The following ARHGAP42 variants were observed in gnomAD, a reference collection of about 807,000 sequenced individuals.
ARHGAP42 encodes the protein Rho GTPase activating protein 42.
ARHGAP42 carries 63 observed loss-of-function variants against 125.0 expected under a neutral mutation model. The ratio of observed to expected loss-of-function variants is 0.50; its 90% CI spans 0.41 to 0.62. The LOEUF (loss-of-function observed/expected upper bound fraction) is 0.62, where lower values mean the gene tolerates loss of function less well. Ranked by LOEUF, ARHGAP42 falls within the 20% of genes least tolerant of loss-of-function variation. The pLI is 0.00. For synonymous variants in ARHGAP42, 339 were observed against 351.0 expected, an observed-to-expected ratio of 0.97 and a Z score of 0.38; for missense variants, 766 against 1,024.2, an observed-to-expected ratio of 0.75 and a Z score of 3.44.
chr11:100,919,789 C>G (rs374148383), intron 5 of ARHGAP42, among the ~76,000 whole-genome samples: 2 of 152,142 alleles, frequency 1.3e-5, no homozygotes, highest in East Asian at 3.9e-4. Flanking sequence ...TCTTGCAGCC[C>G]TTTCACCCAG....
intron 3 of ARHGAP42, among the ~76,000 whole-genome samples, chr11:100,802,641 G>GGCT (rs1565220576): frequency 2.6e-5 from 4 of 151,454 alleles, no homozygotes; most frequent in African/African-American, 7.3e-5. Flanking sequence ...CCCTGTTGGC[G>GGCT]AGTCTCAAAC....
At chr11:100,940,323 T>G (rs1265762928) in intron 8 of ARHGAP42, among the ~76,000 whole-genome samples, 1 of 152,174 alleles carries the variant, frequency 6.6e-6, no homozygotes, top group African/African-American at 2.4e-5. Flanking sequence ...ATGTGCATAG[T>G]AGCTGCTAGA....
chr11:100,830,082 AAAATCT>A (rs1864630310), intron 3 of ARHGAP42, among the ~76,000 whole-genome samples: 1 of 152,242 alleles, frequency 6.6e-6, no homozygotes, highest in African/African-American at 2.4e-5. Context: ...CTCAGAAGTT[AAAATCT>A]TCTTCCATGG....
At chr11:100,985,852 G>A (rs549923297) in intron 22 of ARHGAP42, among the ~76,000 whole-genome samples, 47 of 152,330 alleles carry the variant, frequency 3.1e-4, no homozygotes, top group Middle Eastern at 3.4e-3. Context: ...TTCTGGAAGT[G>A]TAGGGTTAAG....
intron 1 of ARHGAP42, among the ~76,000 whole-genome samples, chr11:100,747,920 A>G (rs1437152313): frequency 6.6e-6 from 1 of 152,020 alleles, no homozygotes; most frequent in African/African-American, 2.4e-5. Flanking sequence ...ACAACCATTT[A>G]ATTTATTTTA....
At chr11:100,955,904 CT>C in intron 12 of ARHGAP42, among the ~76,000 whole-genome samples, 1 of 152,250 alleles carries the variant, frequency 6.6e-6, no homozygotes, top group East Asian at 1.9e-4. Context: ...CCCTACTTGG[CT>C]TTGGAAAACT....
At chr11:100,886,395 A>G (rs561850412) in intron 4 of ARHGAP42, among the ~76,000 whole-genome samples, 9 of 152,308 alleles carry the variant, frequency 5.9e-5, no homozygotes, top group Middle Eastern at 3.4e-3. Context: ...ACATTTCTTT[A>G]TAGAGTTGGA....
intron 4 of ARHGAP42, among the ~76,000 whole-genome samples, chr11:100,905,956 G>A (rs890148313): frequency 2.4e-4 from 37 of 152,178 alleles, no homozygotes; most frequent in African/African-American, 7.5e-4. Flanking sequence ...TGGCCAGGGC[G>A]ATAGTCTTAA....
intron 4 of ARHGAP42, among the ~76,000 whole-genome samples, chr11:100,883,875 T>C (rs1026290358): frequency 6.6e-6 from 1 of 152,164 alleles, no homozygotes; most frequent in Non-Finnish European, 1.5e-5. Context: ...GAGGTGAATG[T>C]GGTTCTCAGA....
chr11:100,974,612 AC>A lies in ARHGAP42; in HGVS notation c.1855+12del, dbSNP rs1858341626. On this transcript the variant is annotated intron_variant, in intron 19 of 23. Transcript: ENST00000298815. The stretch of plus-strand genomic sequence containing the variant: ...CCTGGCCGAACCTGATAGTAAGTGC[AC>A]CCGGCCTTAGGGAGATGCTTTCTTC... 5.2e-6 allele frequency: 8 copies of A among 1,548,318 alleles called. 1 individual carries two copies. In the South Asian group the frequency reaches 9.6e-5, roughly 18 times the overall value.
chr11:100,807,462 C>T (rs941607891), intron 3 of ARHGAP42, among the ~76,000 whole-genome samples: 6 of 152,184 alleles, frequency 3.9e-5, no homozygotes, highest in Non-Finnish European at 7.3e-5. Flanking sequence ...TCCCAAAGTG[C>T]TAGGATTACA....
chr11:100,881,118 C>A (rs1442345449), intron 4 of ARHGAP42, among the ~76,000 whole-genome samples: 1 of 152,010 alleles, frequency 6.6e-6, no homozygotes, highest in Non-Finnish European at 1.5e-5. Context: ...ATCTTTGTTT[C>A]TTTGTATTTG....
chr11:100,814,378 A>T (rs994019332), intron 3 of ARHGAP42, among the ~76,000 whole-genome samples: 1 of 144,848 alleles, frequency 6.9e-6, no homozygotes, highest in East Asian at 2.0e-4. Flanking sequence ...AAAAAAAAAA[A>T]GAAAAGAAAA....
Position 100,768,496 on chromosome 11 carries a change from A to G in ARHGAP42, c.155-1847A>G, listed in dbSNP as rs962053086. On this transcript the variant is annotated intron_variant, in intron 1 of 23. Coordinates refer to ENST00000298815, the MANE Select transcript of ARHGAP42 (RefSeq NM_152432.4). ...AGGCCTAGTCAAGAAGAGGGCTTAA[A>G]GGAGCCTGACTAAAATTTGGCCAAG... Among the ~76,000 whole-genome samples the G allele has an allele frequency of 1.9e-4, 29 of 152,194 alleles. 2 individuals are homozygous for G. The highest frequency in any genetic ancestry group is 6.8e-4 in the African/African-American group (28 of 41,450).
chr11:100,931,876 T>G (rs1591303759), intron 6 of ARHGAP42, among the ~76,000 whole-genome samples: 1 of 152,166 alleles, frequency 6.6e-6, no homozygotes, highest in East Asian at 1.9e-4. Context: ...AAATATAGCA[T>G]CATTTTAAGA....
intron 3 of ARHGAP42, among the ~76,000 whole-genome samples, chr11:100,817,402 C>T (rs567402098): frequency 1.3e-5 from 2 of 152,166 alleles, no homozygotes; most frequent in Admixed American, 6.5e-5. Context: ...GTTGGGGGTA[C>T]TTATTAGTCT....
intron 17 of ARHGAP42, among the ~76,000 whole-genome samples, chr11:100,971,268 A>G (rs1362072561): frequency 6.6e-6 from 1 of 152,032 alleles, no homozygotes; most frequent in Non-Finnish European, 1.5e-5. Context: ...TTCTCTGTTT[A>G]TTGGATCCAT....
At chr11:100,742,711 C>G (rs552945430) in intron 1 of ARHGAP42, among the ~76,000 whole-genome samples, 1 of 152,068 alleles carries the variant, frequency 6.6e-6, no homozygotes, top group South Asian at 2.1e-4. Context: ...GCCAGCAGAA[C>G]TGGGACTAGT....
At position 100,795,077 on chromosome 11, in the gene ARHGAP42, C is replaced by A. The variant is rs763770552; in HGVS notation, c.251-28C>A. The A allele has an allele frequency of 7.4e-5, 111 of 1,498,870 alleles. 2 individuals are homozygous for A. The South Asian group carries it at 1.1e-3, about 15-fold the overall frequency. The allele number at this position is 1,498,870 out of a possible 1,614,324, so 92.8% of individuals were successfully genotyped here. On this transcript the variant is annotated intron_variant, in intron 2 of 23. Coordinates refer to ENST00000298815, the MANE Select transcript of ARHGAP42 (RefSeq NM_152432.4). Reference sequence around the variant, plus strand: ...GATATTAGCTATGAAAATATTAATTCTTTGCATTTTTTTATCTTTCCAAAC... The same window carrying A: ...GATATTAGCTATGAAAATATTAATTATTTGCATTTTTTTATCTTTCCAAAC...
Sources: gnomAD v4.1 joint callset for allele counts (sites outside exome capture counted in the v4.1 genomes callset) on GRCh38, gnomAD v4.1.1 for gene constraint, MANE v1.5 for transcripts, NCBI Gene and HGNC (gene_info 2026-07-23, HGNC 2026-07-21) for gene names.